Variants in TMEM196 observed in about 807,000 individuals in gnomAD.
The protein encoded by TMEM196 is transmembrane protein 196.
A neutral mutation model predicts 20.0 loss-of-function variants in TMEM196; 17 were observed. The observed-to-expected ratio is 0.85, with a 90% CI of 0.58 to 1.27. TMEM196 has a LOEUF of 1.27. Ranked by LOEUF, TMEM196 falls within the 50% of genes most tolerant of loss-of-function variation. The pLI, the probability that TMEM196 is intolerant of heterozygous loss-of-function variation, is 0.00. For synonymous variants in TMEM196, 113 were observed against 88.9 expected (o/e 1.27, Z -1.52); for missense variants, 267 against 223.0 (o/e 1.20, Z -1.26).
intron 1 of TMEM196, among the ~76,000 whole-genome samples, chr7:19,771,173 T>G (rs1785862534): frequency 6.6e-6 from 1 of 152,124 alleles, no homozygotes; most frequent in African/African-American, 2.4e-5. Context: ...AATGAACAAT[T>G]ATCAGATTTA....
chr7:19,755,294 C>G (rs186523144), intron 1 of TMEM196, among the ~76,000 whole-genome samples: 1 of 152,228 alleles, frequency 6.6e-6, no homozygotes, highest in Admixed American at 6.5e-5. Context: ...TTTTAAACTC[C>G]TCCTGGTCGA....
At position 19,729,168 on chromosome 7, in the gene TMEM196, G is replaced by GT. The variant is rs1167578107; in HGVS notation, c.204+213dup. Among the ~76,000 whole-genome samples the GT allele has an allele frequency of 4.6e-5, 7 of 151,386 alleles. No homozygotes were observed. The East Asian group carries it at 5.8e-4, about 13-fold the overall frequency. On this transcript the variant is annotated intron_variant, in intron 2 of 4. Transcript: ENST00000405844. ...TCAGATATTTAAAGAGTTTATTAAA[G>GT]TTTTTTTACATCGGTGGGCTTTTGT...
At chr7:19,742,606 G>C (rs554693092) in intron 1 of TMEM196, among the ~76,000 whole-genome samples, 1 of 152,290 alleles carries the variant, frequency 6.6e-6, no homozygotes, top group East Asian at 1.9e-4. Flanking sequence ...GAATGAGGCA[G>C]TGTATAAAAG....
intron 1 of TMEM196, among the ~76,000 whole-genome samples, chr7:19,771,474 A>G (rs1785877844): frequency 6.6e-6 from 1 of 152,232 alleles, no homozygotes; most frequent in South Asian, 2.1e-4. Context: ...TTACTTTTGA[A>G]TAATTTTTCT....
At chr7:19,729,344 A>G (rs1228170746) in intron 2 of TMEM196, 38 bp downstream of exon 2, 3 of 1,523,050 alleles carry the variant, frequency 2.0e-6, no homozygotes, top group African/African-American at 2.8e-5. Flanking sequence ...TACGTTTCAT[A>G]CACCTCAATG....
intron 1 of TMEM196, among the ~76,000 whole-genome samples, chr7:19,763,734 G>GA (rs1223251031): frequency 1.3e-5 from 2 of 152,064 alleles, no homozygotes; most frequent in African/African-American, 4.8e-5. Context: ...AGATTTTCCA[G>GA]AAAAATGACA....
chr7:19,729,361 A>G (rs1221013296), intron 2 of TMEM196, 21 bp downstream of exon 2: 1 of 1,549,750 alleles, frequency 6.5e-7, no homozygotes, highest in Non-Finnish European at 8.7e-7. Context: ...AATGCACAAT[A>G]CAAACAAATC....
rs868864271 is a variant in TMEM196 at position 19,735,959 on chromosome 7, G to A, written c.148-6521C>T. Among the ~76,000 whole-genome samples, 11 of 152,058 alleles carry A rather than the reference G, an allele frequency of 7.2e-5. No homozygotes were observed. The South Asian group carries it at 1.0e-3, about 14-fold the overall frequency. The stretch of plus-strand genomic sequence containing the variant: ...ACCTTTAATTTCATAACGTTAGTTC[G>A]TTTCTTTAAAATGCATAGAAAAATC... On this transcript the variant is annotated intron_variant, in intron 1 of 4. Transcript: ENST00000405844.
chr7:19,742,120 G>A (rs374575131), intron 1 of TMEM196, among the ~76,000 whole-genome samples: 2 of 152,100 alleles, frequency 1.3e-5, no homozygotes, highest in African/African-American at 4.8e-5. Context: ...ATCAGATAAC[G>A]TATGAACAGT....
At position 19,721,682 on chromosome 7, in the gene TMEM196, T is replaced by C. The variant is rs577910011; in HGVS notation, c.*446A>G. ...CCATCTGTCTTTCAGAACAAAGACG[T>C]CAATAAGTTATTTTTATTTCTTGAT... On this transcript the variant is annotated 3_prime_UTR_variant, in exon 5 of 5. Transcript: ENST00000405844. 7.0e-5 allele frequency: 11 copies of C among 156,992 alleles called. No homozygotes were observed. Among genetic ancestry groups the C allele is most frequent in the African/African-American group, 2.4e-4 (10 of 41,660 alleles). The allele number at this position is 156,992 out of a possible 1,614,324, so 9.7% of individuals were successfully genotyped here.
chr7:19,759,481 C>A (rs1385151422), intron 1 of TMEM196, among the ~76,000 whole-genome samples: 1 of 152,078 alleles, frequency 6.6e-6, no homozygotes, highest in East Asian at 1.9e-4. Context: ...TAATTACTCC[C>A]ACACTGATAT....
chr7:19,740,251 T>C (rs116772311), intron 1 of TMEM196, among the ~76,000 whole-genome samples: 4,223 of 152,218 alleles, frequency 0.028, 179 homozygotes, highest in African/African-American at 0.096. Context: ...AGGTGTAAAA[T>C]TGTGTATGTA....
At chr7:19,730,794 C>T (rs566297243) in intron 1 of TMEM196, among the ~76,000 whole-genome samples, 1 of 152,092 alleles carries the variant, frequency 6.6e-6, no homozygotes, top group African/African-American at 2.4e-5. Flanking sequence ...TATAAGGGAG[C>T]AGAATGATTA....
intron 1 of TMEM196, among the ~76,000 whole-genome samples, chr7:19,764,083 T>A (rs1785534911): frequency 6.6e-6 from 1 of 152,176 alleles, no homozygotes; most frequent in African/African-American, 2.4e-5. Context: ...CATAAGAAAC[T>A]TGCAAGTTTA....
At chr7:19,759,680 T>G (rs537120329) in intron 1 of TMEM196, among the ~76,000 whole-genome samples, 3 of 151,630 alleles carry the variant, frequency 2.0e-5, no homozygotes, top group Non-Finnish European at 4.4e-5. Context: ...GCACACAGAG[T>G]TTTTTTCTAA....
chr7:19,751,021 C>T (rs922515681), intron 1 of TMEM196, among the ~76,000 whole-genome samples: 1 of 151,972 alleles, frequency 6.6e-6, no homozygotes, highest in Non-Finnish European at 1.5e-5. Flanking sequence ...CTCTCTGATT[C>T]GAAATAAAGG....
At chr7:19,723,490 G>A (rs572699896) in intron 4 of TMEM196, among the ~76,000 whole-genome samples, 2 of 152,144 alleles carry the variant, frequency 1.3e-5, no homozygotes, top group South Asian at 4.1e-4. Context: ...TACAAAAAAA[G>A]AATTTTCTTA....
intron 1 of TMEM196, among the ~76,000 whole-genome samples, chr7:19,752,415 T>C (rs1368289378): frequency 6.6e-6 from 1 of 152,140 alleles, no homozygotes; most frequent in Non-Finnish European, 1.5e-5. Flanking sequence ...TACTTTTATA[T>C]CCACAGTGAA....
rs772138631 is a variant in TMEM196, at chr7:19,725,552, C to A, written c.421G>T (p.Glu141Ter). 8.1e-6 allele frequency: 13 copies of A among 1,613,270 alleles called. No homozygotes were observed. Residue 141 changes from glutamate to a stop codon, truncating the protein, a stop_gained, in exon 3 of 5, where the codon GAG becomes TAG. Coordinates refer to ENST00000405844, the MANE Select transcript of TMEM196 (RefSeq NM_001363562.2). LOFTEE classifies it high-confidence loss of function. ...YEQRRMFSEREHSLHHSHEMA... is the reference protein window; with the variant it reads ...YEQRRMFSER ...TCATGAGAGTGATGCAGGGAATGCT[C>A]CCTTTCTGAGAACATCCTCCTCTGT...
Sources: gnomAD v4.1 joint callset for allele counts (sites outside exome capture counted in the v4.1 genomes callset) on GRCh38, gnomAD v4.1.1 for gene constraint, MANE v1.5 for transcripts, NCBI Gene and HGNC (gene_info 2026-07-23, HGNC 2026-07-21) for gene names.